Variants in TRPM3 observed in about 807,000 individuals in gnomAD.
TRPM3 encodes long transient receptor potential channel 3.
TRPM3 carries 77 observed loss-of-function variants against 181.2 expected under a neutral mutation model. The ratio of observed to expected loss-of-function variants is 0.42; its 90% CI spans 0.35 to 0.51. The LOEUF (loss-of-function observed/expected upper bound fraction) is 0.51. Among genes scored for constraint, TRPM3 ranks in the 20% least tolerant of loss-of-function variants. TRPM3 has a pLI of 0.01. For missense variants in TRPM3, 1,759 were observed against 2,196.7 expected (o/e 0.80, Z 3.98); for synonymous variants, 745 against 796.4 (o/e 0.94, Z 1.09).
intron 1 of TRPM3, among the ~76,000 whole-genome samples, chr9:71,339,434 A>G (rs1004510868): frequency 1.3e-5 from 2 of 152,124 alleles, no homozygotes; most frequent in Non-Finnish European, 2.9e-5. Flanking sequence ...ATATGCTACA[A>G]AGCCTCCAAA....
intron 1 of TRPM3, among the ~76,000 whole-genome samples, chr9:71,372,961 T>A (rs113126951): frequency 0.015 from 2,213 of 152,212 alleles, 66 homozygotes; most frequent in African/African-American, 0.05. Context: ...AACTCAAGAC[T>A]AAGATATTCA....
rs1449412635 is a variant in TRPM3, at chr9:70,536,016, G to A, written c.5097C>T (p.Ser1699=). 1 of 1,613,980 alleles carries A rather than the reference G, an allele frequency of 6.2e-7. No homozygotes were observed. Residue 1699 remains serine (S), a synonymous_variant, in exon 26 of 26, where the codon AGC becomes AGT. Transcript: ENST00000677713. ...KSSKPEGRGD[S]LSMRRLSRTS... ...TTCTGGACAGTCTCCTCATGGACAG[G>A]CTGTCCCCTCGGCCCTCCGGCTTGG...
At chr9:70,545,495 T>C (rs141157146) in intron 25 of TRPM3, among the ~76,000 whole-genome samples, 16 of 151,556 alleles carry the variant, frequency 1.1e-4, no homozygotes, top group African/African-American at 3.9e-4. Context: ...ATGACAATGA[T>C]CTTCACATAT....
At chr9:71,071,497 GA>G in intron 1 of TRPM3, among the ~76,000 whole-genome samples, 1 of 152,248 alleles carries the variant, frequency 6.6e-6, no homozygotes, top group East Asian at 1.9e-4. Context: ...ATCTACATGA[GA>G]CTACAATCTT....
At chr9:70,934,878 A>T (rs1430492085) in intron 1 of TRPM3, among the ~76,000 whole-genome samples, 1 of 152,128 alleles carries the variant, frequency 6.6e-6, no homozygotes, top group East Asian at 1.9e-4. Flanking sequence ...CCCCCAAAAA[A>T]AATAAAAACA....
chr9:71,432,875 T>C (rs547135602), intron 1 of TRPM3, among the ~76,000 whole-genome samples: 8 of 152,270 alleles, frequency 5.3e-5, no homozygotes, highest in African/African-American at 1.7e-4. Flanking sequence ...GCTTCTTTTA[T>C]TAGAGAATTT....
rs117368327 is a variant in TRPM3 at position 70,762,138 on chromosome 9, G to A, written c.1149-414C>T. Among the ~76,000 whole-genome samples the A allele has an allele frequency of 3.2e-3, 494 of 152,104 alleles. 2 individuals are homozygous for A. Among genetic ancestry groups the A allele is most frequent in the Admixed American group, 8.2e-3 (125 of 15,268 alleles). ...TACTGCAGGAGATTTAAATTGCAGC[G>A]TCATGTCTAATTGTGGAAATAAAGA... On this transcript the variant is annotated intron_variant, in intron 7 of 25. Coordinates refer to ENST00000677713, the MANE Select transcript of TRPM3 (RefSeq NM_001366145.2).
At position 70,537,331 on chromosome 9, in the gene TRPM3, A is replaced by G; in HGVS notation, c.3782T>C (p.Val1261Ala). 1 of 1,521,634 alleles carries G rather than the reference A, an allele frequency of 6.6e-7. No individual in the cohort carries two copies. The allele number at this position is 1,521,634 out of a possible 1,614,324, so 94.3% of individuals were successfully genotyped here. A position where few individuals can be genotyped will look rare whatever the true frequency, so the allele number is the denominator to read the frequency against. ...EHSMKASLQT[V>A]DIRLAQLEDL... The stretch of plus-strand genomic sequence containing the variant: ...TTCCAGCTGCGCCAGCCGGATGTCC[A>G]CGGTCTGGAGTGAAGCCTTCATGGA... Residue 1261 changes from valine (V) to alanine (A), a missense_variant, in exon 26 of 26, where the codon GTG becomes GCG. Transcript: ENST00000677713.
rs772401389 is a variant in TRPM3 at position 70,536,406 on chromosome 9, A to T, written c.4707T>A (p.Asn1569Lys). ...ITDCIDTRCV[N>K]APQAIADRAA... Reference sequence around the variant, plus strand: ...CTCTGTCCGCAATTGCTTGAGGGGCATTGACACACCTTGTGTCAATACAGT... The same window carrying T: ...CTCTGTCCGCAATTGCTTGAGGGGCTTTGACACACCTTGTGTCAATACAGT... The change falls in exon 26 of 26, where the codon AAT becomes AAA. Residue 1569 changes from asparagine (N) to lysine (K), a missense_variant. Transcript: ENST00000677713. The T allele has an allele frequency of 1.2e-6, 2 of 1,614,130 alleles. No homozygotes were observed. Among genetic ancestry groups the T allele is most frequent in the South Asian group, 2.2e-5 (2 of 91,082 alleles).
At chr9:71,103,115 A>T (rs1411405768) in intron 1 of TRPM3, among the ~76,000 whole-genome samples, 1 of 152,222 alleles carries the variant, frequency 6.6e-6, no homozygotes, top group Non-Finnish European at 1.5e-5. Flanking sequence ...CATGTAAATA[A>T]ATAAAATGGA....
chr9:70,776,651 TA>T (rs1463024961), intron 7 of TRPM3, among the ~76,000 whole-genome samples: 1 of 152,192 alleles, frequency 6.6e-6, no homozygotes, highest in Non-Finnish European at 1.5e-5. Context: ...TCAAGTCTGA[TA>T]GACGTTTGGA....
At chr9:71,255,459 G>A (rs543948992) in intron 1 of TRPM3, among the ~76,000 whole-genome samples, 63 of 152,140 alleles carry the variant, frequency 4.1e-4, no homozygotes, top group Admixed American at 3.9e-4. Flanking sequence ...CAACTGCCTC[G>A]CCATAATCAG....
chr9:71,369,752 T>C (rs2092452810), intron 1 of TRPM3, among the ~76,000 whole-genome samples: 1 of 152,194 alleles, frequency 6.6e-6, no homozygotes, highest in Non-Finnish European at 1.5e-5. Flanking sequence ...TCATCACTTA[T>C]AATTTGTGTA....
intron 1 of TRPM3, among the ~76,000 whole-genome samples, chr9:71,054,021 G>T (rs1483331208): frequency 6.6e-6 from 1 of 152,132 alleles, no homozygotes; most frequent in Non-Finnish European, 1.5e-5. Flanking sequence ...GCACGACTTT[G>T]CAGGTTTAGA....
intron 1 of TRPM3, among the ~76,000 whole-genome samples, chr9:70,890,809 G>C (rs1353893506): frequency 1.3e-5 from 2 of 151,960 alleles, no homozygotes; most frequent in Non-Finnish European, 2.9e-5. Flanking sequence ...TAAAAACAGG[G>C]AACCAAGCAC....
At chr9:71,184,073 C>A (rs750093736) in intron 1 of TRPM3, among the ~76,000 whole-genome samples, 13 of 152,144 alleles carry the variant, frequency 8.5e-5, no homozygotes, top group Non-Finnish European at 1.6e-4. Flanking sequence ...AGAATCCAGA[C>A]AGGCAGCCAG....
intron 1 of TRPM3, among the ~76,000 whole-genome samples, chr9:71,426,573 A>C (rs1425600716): frequency 6.6e-6 from 1 of 152,140 alleles, no homozygotes; most frequent in Non-Finnish European, 1.5e-5. Flanking sequence ...AGATTGGTTT[A>C]ATTGCACATG....
intron 5 of TRPM3, among the ~76,000 whole-genome samples, chr9:70,842,020 G>C (rs2094701405): frequency 6.6e-6 from 1 of 151,896 alleles, no homozygotes; most frequent in East Asian, 1.9e-4. Flanking sequence ...GATTTAATCA[G>C]TATGCAATAT....
chr9:70,552,704 A>G (rs35094133), intron 24 of TRPM3, 140 bp downstream of exon 24: 230,616 of 835,352 alleles, frequency 0.28, 33,537 homozygotes, highest in Admixed American at 0.33. Flanking sequence ...TCATCCCCCA[A>G]TGCTCTCCAA....
Sources: gnomAD v4.1 joint callset for allele counts (sites outside exome capture counted in the v4.1 genomes callset) on GRCh38, gnomAD v4.1.1 for gene constraint, MANE v1.5 for transcripts, NCBI Gene and HGNC (gene_info 2026-07-23, HGNC 2026-07-21) for gene names.